ACTN2: variants seen among roughly 807,000 people sequenced by gnomAD.
ACTN2 encodes the protein actinin alpha 2.
ACTN2 carries 39 observed loss-of-function variants against 113.8 expected under a neutral mutation model. The observed-to-expected ratio is 0.34, with a 90% CI of 0.27 to 0.45. ACTN2 has a LOEUF of 0.45. Among genes scored for constraint, ACTN2 ranks in the 20% least tolerant of loss-of-function variants. The pLI is 1.00. For synonymous variants in ACTN2, 429 were observed against 444.1 expected (o/e 0.97, Z 0.43); for missense variants, 992 against 1,177.9 (o/e 0.84, Z 2.31).
intron 1 of ACTN2, among the ~76,000 whole-genome samples, chr1:236,709,368 GTA>G (rs370579623): frequency 2.2e-5 from 3 of 137,366 alleles, no homozygotes; most frequent in African/African-American, 5.6e-5. Context: ...ACGTGTGTGT[GTA>G]TATATATATA....
chr1:236,764,216 G>C lies in ACTN2; in HGVS notation c.*1597G>C, dbSNP rs568637890. 2 of 152,292 alleles carry C rather than the reference G, an allele frequency of 1.3e-5. No individual in the cohort carries two copies. Among genetic ancestry groups the C allele is most frequent in the East Asian group, 3.9e-4 (2 of 5,178 alleles). The allele number at this position is 152,292 out of a possible 1,614,324, so 9.4% of individuals were successfully genotyped here. On this transcript the variant is annotated 3_prime_UTR_variant, in exon 21 of 21. Coordinates refer to ENST00000366578, the MANE Select transcript of ACTN2 (RefSeq NM_001103.4). ...TTGCTTCATTATTAAGTAATTGGTA[G>C]TTTCCAGATTCCTGAAATATTTGAA...
intron 15 of ACTN2, among the ~76,000 whole-genome samples, chr1:236,753,225 A>G (rs1302206164): frequency 6.6e-6 from 1 of 152,236 alleles, no homozygotes; most frequent in East Asian, 1.9e-4. Context: ...AATGTTTGTA[A>G]ACTTATAAAA....
chr1:236,733,546 C>T (rs148703012), intron 7 of ACTN2, among the ~76,000 whole-genome samples: 21 of 152,324 alleles, frequency 1.4e-4, no homozygotes, highest in African/African-American at 7.2e-5. Flanking sequence ...AATGCTCACA[C>T]GCTGTATTAT....
At chr1:236,723,195 C>T (rs1622066) in intron 4 of ACTN2, among the ~76,000 whole-genome samples, 136,468 of 152,282 alleles carry the variant, frequency 0.9, 62,434 homozygotes, top group Non-Finnish European at 0.99. Flanking sequence ...TGATGTACTT[C>T]TTCTTCTTAA....
At chr1:236,760,934 G>A (rs1659684788) in intron 19 of ACTN2, 81 bp from the exon 20 acceptor site, 1 of 1,565,018 alleles carries the variant, frequency 6.4e-7, no homozygotes, top group Non-Finnish European at 8.8e-7. Context: ...GAATTGGCAT[G>A]TCACCAGGGA....
intron 1 of ACTN2, among the ~76,000 whole-genome samples, chr1:236,716,834 C>CTTTT (rs1289656929): frequency 7.9e-4 from 21 of 26,508 alleles, no homozygotes; most frequent in Admixed American, 1.3e-3. Context: ...ACATTTTGAA[C>CTTTT]ATTTTTTTTT....
chr1:236,757,374 T>C, intron 17 of ACTN2, 112 bp from the exon 18 acceptor site: 1 of 1,367,196 alleles, frequency 7.3e-7, no homozygotes, highest in Admixed American at 1.7e-5. Context: ...AAGGCTATCA[T>C]GAGCCCTGCT....
chr1:236,737,318 T>TATATATATATGTATATATATATA (rs1465770912), intron 9 of ACTN2, 104 bp downstream of exon 9: 1 of 292,762 alleles, frequency 3.4e-6, no homozygotes, highest in Non-Finnish European at 6.9e-6. Context: ...TATATATATA[T>TATATATATATGTATATATATATA]TTTGCATTTT....
At chr1:236,708,208 A>G (rs1657893523) in intron 1 of ACTN2, among the ~76,000 whole-genome samples, 1 of 152,154 alleles carries the variant, frequency 6.6e-6, no homozygotes, top group Non-Finnish European at 1.5e-5. Context: ...TGGGCAGAGA[A>G]TAAAAGGGCT....
chr1:236,762,214 A>G (rs917944021), intron 20 of ACTN2, among the ~76,000 whole-genome samples: 1 of 152,110 alleles, frequency 6.6e-6, no homozygotes, highest in Non-Finnish European at 1.5e-5. Flanking sequence ...TTTGAGAACT[A>G]CTAGTAATGC....
chr1:236,713,068 T>C (rs1262746877), intron 1 of ACTN2, among the ~76,000 whole-genome samples: 1 of 151,984 alleles, frequency 6.6e-6, no homozygotes, highest in Non-Finnish European at 1.5e-5. Context: ...TTTACTGTAA[T>C]AACTTAATTA....
chr1:236,738,846 T>A (rs1247872414), intron 9 of ACTN2, among the ~76,000 whole-genome samples: 1 of 152,266 alleles, frequency 6.6e-6, no homozygotes, highest in East Asian at 1.9e-4. Context: ...AGTTGTGTAG[T>A]AAGTAATCTA....
chr1:236,747,206 T>G lies in ACTN2; in HGVS notation c.1407-461T>G, dbSNP rs546837140. 1.5e-4 allele frequency among the ~76,000 whole-genome samples: 23 copies of G among 152,384 alleles called. No individual in the cohort carries two copies. The South Asian group carries it at 4.8e-3, about 32-fold the overall frequency. On this transcript the variant is annotated intron_variant, in intron 12 of 20. Transcript: ENST00000366578. ...TAAGAAGACAACGGTTCTCTCTGTT[T>G]AGAAATCTGTTGGCCAGCGAAAGTT...
intron 7 of ACTN2, chr1:236,734,388 T>C: frequency 7.3e-7 from 1 of 1,373,576 alleles, no homozygotes; most frequent in Non-Finnish European, 9.9e-7. Context: ...AGAAGCCTGC[T>C]GGTATTAGAA....
At chr1:236,721,691 A>G (rs986981906) in intron 4 of ACTN2, among the ~76,000 whole-genome samples, 3 of 152,194 alleles carry the variant, frequency 2.0e-5, no homozygotes, top group Non-Finnish European at 2.9e-5. Context: ...ATCAGTTTTT[A>G]TATACTTCTA....
rs1311052843 is a variant in ACTN2, at chr1:236,738,224, G to A, written c.876+1010G>A. On this transcript the variant is annotated intron_variant, in intron 9 of 20. Transcript: ENST00000366578. ...GAGTTTCACCGTGGTAGCCTGGCTG[G>A]CCTTGAACTCCTGACCTCAGGTGAT... Among the ~76,000 whole-genome samples, 9 of 152,324 alleles carry A rather than the reference G, an allele frequency of 5.9e-5. No individual in the cohort carries two copies. The East Asian group carries it at 1.4e-3, about 23-fold the overall frequency.
rs1419734266 is a variant in ACTN2, at chr1:236,762,441, A to G, written c.2527-20A>G. On this transcript the variant is annotated intron_variant, in intron 20 of 20. Coordinates refer to ENST00000366578, the MANE Select transcript of ACTN2 (RefSeq NM_001103.4). ...GGTGTTTCTGCAACTGACTGCAAAC[A>G]CGTGTGTATTTTTTCCCAGCCATAC... The G allele has an allele frequency of 1.2e-6, 2 of 1,613,802 alleles. No homozygotes were observed. Among genetic ancestry groups the G allele is most frequent in the Non-Finnish European group, 1.7e-6 (2 of 1,179,938 alleles).
rs1659500029 is a variant in ACTN2, at chr1:236,754,633, C to T, written c.1975-386C>T. ...ATATAAGAAATTCTGATGGAGGAAG[C>T]ATCCCGTGGGTCTTCAATCTGTCTG... On this transcript the variant is annotated intron_variant, in intron 16 of 20. Transcript: ENST00000366578. The surrounding 1 kb of genome is among the most constrained non-coding windows in gnomAD (Gnocchi z 4.9). Among the ~76,000 whole-genome samples the T allele has an allele frequency of 6.6e-6, 1 of 152,198 alleles. No homozygotes were observed. Among genetic ancestry groups the T allele is most frequent in the Non-Finnish European group, 1.5e-5 (1 of 68,040 alleles).
At chr1:236,693,754 C>T (rs1377857355) in intron 1 of ACTN2, among the ~76,000 whole-genome samples, 2 of 152,090 alleles carry the variant, frequency 1.3e-5, no homozygotes, top group South Asian at 2.1e-4. Flanking sequence ...GGGTCATGCT[C>T]GTCTGCTGGC....
Sources: gnomAD v4.1 joint callset for allele counts (sites outside exome capture counted in the v4.1 genomes callset) on GRCh38, gnomAD v4.1.1 for gene constraint, Gnocchi (gnomAD v3.1) non-coding constraint, MANE v1.5 for transcripts, NCBI Gene and HGNC (gene_info 2026-07-23, HGNC 2026-07-21) for gene names.